Variants in LEMD3 observed in about 807,000 individuals in gnomAD.
The protein encoded by LEMD3 is inner nuclear membrane protein Man1.
LEMD3 carries 33 observed loss-of-function variants against 95.2 expected under a neutral mutation model. That is an observed-to-expected ratio of 0.35 (90% CI 0.26 to 0.46). The LOEUF (loss-of-function observed/expected upper bound fraction) is 0.46, where lower values mean the gene tolerates loss of function less well. LEMD3 is among the 20% of genes least tolerant of loss of function. The probability of loss-of-function intolerance (pLI) is 1.00; values close to 1 mark genes in which losing one functional copy is unlikely to be tolerated. For synonymous variants in LEMD3, 525 were observed against 474.6 expected, an observed-to-expected ratio of 1.11 and a Z score of -1.38; for missense variants, 1,210 against 1,192.8, an observed-to-expected ratio of 1.01 and a Z score of -0.21.
At chr12:65,244,283 A>ACCCC (rs34697632) in intron 10 of LEMD3, among the ~76,000 whole-genome samples, 13 of 125,832 alleles carry the variant, frequency 1.0e-4, no homozygotes, top group Admixed American at 4.0e-4. Flanking sequence ...ACACACACAC[A>ACCCC]CACCCCCCCC....
At chr12:65,226,961 A>C (rs573463411) in intron 4 of LEMD3, among the ~76,000 whole-genome samples, 18 of 152,282 alleles carry the variant, frequency 1.2e-4, no homozygotes, top group African/African-American at 3.6e-4. Flanking sequence ...TTTATTTTCA[A>C]TTTTGACCTA....
intron 1 of LEMD3, among the ~76,000 whole-genome samples, chr12:65,179,547 A>G (rs1363269649): frequency 1.3e-5 from 2 of 152,244 alleles, no homozygotes; most frequent in Non-Finnish European, 2.9e-5. Context: ...TTGTTAATAA[A>G]TAAGTACTAC....
At position 65,218,547 on chromosome 12, in the gene LEMD3, TC is replaced by T. The variant is rs1368577589; in HGVS notation, c.1628-3del. The T allele has an allele frequency of 6.3e-7, 1 of 1,591,902 alleles. No homozygotes were observed. The highest frequency in any genetic ancestry group is 1.3e-5 in the African/African-American group (1 of 74,586). On this transcript the variant is annotated splice_region_variant and splice_polypyrimidine_tract_variant and intron_variant, in intron 3 of 12. Transcript: ENST00000308330. ...TCAAAATTAATAATATGCTAATCTT[TC>T]CAGGAGATCATGAATGTGGCAGTTC... is the stretch of plus-strand genomic sequence containing the variant.
rs953010654 is a variant in LEMD3, at chr12:65,223,519, C to A, written c.1695+4900C>A. Among the ~76,000 whole-genome samples the A allele has an allele frequency of 4.0e-5, 6 of 151,784 alleles. No individual in the cohort carries two copies. In the East Asian group the frequency reaches 5.8e-4, roughly 15 times the overall value. ...GGATCTCACTACGTTGCCTTTAAGT[C>A]AAAAATTTGTCTAATATGAGTATGG... On this transcript the variant is annotated intron_variant, in intron 4 of 12. Coordinates refer to ENST00000308330, the MANE Select transcript of LEMD3 (RefSeq NM_014319.5).
chr12:65,222,503 A>G (rs1416695232), intron 4 of LEMD3, among the ~76,000 whole-genome samples: 5 of 152,194 alleles, frequency 3.3e-5, no homozygotes, highest in Non-Finnish European at 7.3e-5. Context: ...TAGGATTGGC[A>G]TTAATTCTTC....
chr12:65,191,945 A>G (rs932563635), intron 1 of LEMD3, among the ~76,000 whole-genome samples: 5 of 144,432 alleles, frequency 3.5e-5, no homozygotes, highest in African/African-American at 1.2e-4. Context: ...AAAAAAAAAA[A>G]AAGACGGAAT....
At chr12:65,194,546 T>C (rs982043268) in intron 1 of LEMD3, among the ~76,000 whole-genome samples, 4 of 151,644 alleles carry the variant, frequency 2.6e-5, no homozygotes. Flanking sequence ...TCAAGGGTCG[T>C]GGGTCTGGAT....
At chr12:65,220,995 G>A (rs1870268118) in intron 4 of LEMD3, among the ~76,000 whole-genome samples, 2 of 152,140 alleles carry the variant, frequency 1.3e-5, no homozygotes, top group South Asian at 4.1e-4. Context: ...TTTAAAGTCA[G>A]TGTGAGGCCT....
chr12:65,189,027 T>TAC (rs1196430160), intron 1 of LEMD3, among the ~76,000 whole-genome samples: 1 of 152,156 alleles, frequency 6.6e-6, no homozygotes, highest in Non-Finnish European at 1.5e-5. Flanking sequence ...ACCCTATATA[T>TAC]ACTATGTTTT....
intron 2 of LEMD3, among the ~76,000 whole-genome samples, chr12:65,213,063 C>A (rs903035699): frequency 5.3e-5 from 8 of 150,066 alleles, no homozygotes; most frequent in African/African-American, 1.8e-4. Flanking sequence ...TCTGCCACAG[C>A]CTGAGTGACA....
In LEMD3 at chr12:65,245,904, A is replaced by T. The variant is rs1337609396; in HGVS notation, c.2537A>T (p.Lys846Met). Residue 846 changes from lysine (K) to methionine (M), a missense_variant, in exon 12 of 13, where the codon AAG becomes ATG. Coordinates refer to ENST00000308330, the MANE Select transcript of LEMD3 (RefSeq NM_014319.5). ...TGTCTGTCTCCAGAATATGCTGGAA[A>T]GGCTTTTAAAGCATTGCATGGCTCT... ...VKCLSPEYAG[K>M]AFKALHGSWF... 6.2e-7 allele frequency: 1 copy of T among 1,613,172 alleles called. No homozygotes were observed. The highest frequency in any genetic ancestry group is 1.1e-5 in the South Asian group (1 of 91,058).
rs568386058 is a variant in LEMD3, at chr12:65,223,465, G to A, written c.1695+4846G>A. 4.0e-5 allele frequency among the ~76,000 whole-genome samples: 6 copies of A among 151,640 alleles called. No individual in the cohort carries two copies. In the South Asian group the frequency reaches 8.3e-4, roughly 21 times the overall value. On this transcript the variant is annotated intron_variant, in intron 4 of 12. Coordinates refer to ENST00000308330, the MANE Select transcript of LEMD3 (RefSeq NM_014319.5). ...GCTACAGACACATGCCACCACACCC[G>A]GCTAATTTTTAAAGTTTTTGTAGAG...
chr12:65,195,870 A>G (rs1197045810), intron 1 of LEMD3, among the ~76,000 whole-genome samples: 2 of 152,162 alleles, frequency 1.3e-5, no homozygotes, highest in African/African-American at 4.8e-5. Context: ...CAGTCTAAAA[A>G]TAACTGGTTA....
chr12:65,207,810 G>A (rs1170447384), intron 1 of LEMD3, among the ~76,000 whole-genome samples: 5 of 151,616 alleles, frequency 3.3e-5, no homozygotes, highest in African/African-American at 4.8e-5. Flanking sequence ...GTTTATAAAC[G>A]TATAGATGTG....
intron 8 of LEMD3, chr12:65,240,602 G>A (rs942944148): frequency 7.3e-6 from 3 of 410,214 alleles, no homozygotes; most frequent in Non-Finnish European, 1.3e-5. Context: ...AGCTTTTAAA[G>A]TAAAAACTAA....
intron 1 of LEMD3, among the ~76,000 whole-genome samples, chr12:65,193,732 CTGTGTGTGTGTGTG>C (rs746675293): frequency 0.037 from 4,840 of 129,428 alleles, 125 homozygotes; most frequent in Middle Eastern, 0.088. Flanking sequence ...ACATAACTGG[CTGTGTGTGTGTGTG>C]TGTGTGTGTG....
At chr12:65,199,453 A>G (rs1423741668) in intron 1 of LEMD3, among the ~76,000 whole-genome samples, 1 of 152,166 alleles carries the variant, frequency 6.6e-6, no homozygotes, top group East Asian at 1.9e-4. Context: ...TTTCAGACAC[A>G]TATTTTAAAA....
intron 6 of LEMD3, among the ~76,000 whole-genome samples, 167 bp from the exon 7 acceptor site, chr12:65,239,760 CTT>C (rs991348226): frequency 1.8e-4 from 27 of 152,096 alleles, no homozygotes; most frequent in African/African-American, 5.5e-4. Context: ...GAAAGTGAAT[CTT>C]TGGAAAATGT....
In LEMD3 at chr12:65,233,732, T is replaced by G. The variant is rs951732878; in HGVS notation, c.1696-4770T>G. Among the ~76,000 whole-genome samples the G allele has an allele frequency of 2.6e-5, 4 of 152,176 alleles. No homozygotes were observed. The East Asian group carries it at 7.7e-4, about 29-fold the overall frequency. ...CTCCCTATACCAGTGCCTTTTTCCC[T>G]TCTTACTAACTAAAGTTTTGTTGCC... On this transcript the variant is annotated intron_variant, in intron 4 of 12. Coordinates refer to ENST00000308330, the MANE Select transcript of LEMD3 (RefSeq NM_014319.5).
Sources: allele counts gnomAD v4.1 joint callset (sites outside exome capture counted in the v4.1 genomes callset), GRCh38; gene constraint gnomAD v4.1.1; transcripts MANE v1.5; gene names NCBI Gene and HGNC (gene_info 2026-07-23, HGNC 2026-07-21).